Variants in PDE4B observed in about 807,000 individuals in gnomAD.
PDE4B encodes the protein 3',5'-cyclic-AMP phosphodiesterase 4B.
PDE4B carries 20 observed loss-of-function variants against 82.2 expected under a neutral mutation model. That is an observed-to-expected ratio of 0.24 (90% CI 0.17 to 0.35). The LOEUF is 0.35. PDE4B is among the 10% of genes least tolerant of loss of function. The probability of loss-of-function intolerance (pLI) is 1.00; values close to 1 mark genes in which losing one functional copy is unlikely to be tolerated. For missense variants in PDE4B, 655 were observed against 907.2 expected, an observed-to-expected ratio of 0.72 and a Z score of 3.57; for synonymous variants, 320 against 318.9, an observed-to-expected ratio of 1.00 and a Z score of -0.04.
At chr1:66,360,251 A>G (rs968007448) in intron 9 of PDE4B, among the ~76,000 whole-genome samples, 1 of 152,072 alleles carries the variant, frequency 6.6e-6, no homozygotes, top group African/African-American at 2.4e-5. Flanking sequence ...GTGGACACCT[A>G]GAGACAATAC....
chr1:65,834,301 C>T (rs368986253), intron 1 of PDE4B, among the ~76,000 whole-genome samples: 25 of 152,280 alleles, frequency 1.6e-4, no homozygotes, highest in African/African-American at 5.5e-4. Context: ...GCCTTGGCCT[C>T]CCAAAGTGCT....
At position 66,193,941 on chromosome 1, in the gene PDE4B, A is replaced by T. The variant is rs1425776861; in HGVS notation, c.282-53519A>T. On this transcript the variant is annotated intron_variant, in intron 3 of 16. Transcript: ENST00000341517. ...TGTCACATTTGAACCATAACAAGAG[A>T]TTTGAAATCTTTTTTTTTTTTTTTG... Among the ~76,000 whole-genome samples the T allele has an allele frequency of 2.2e-5, 3 of 133,416 alleles. No homozygotes were observed. The East Asian group carries it at 6.9e-4, about 30-fold the overall frequency. 87.5% of individuals were successfully genotyped at this position (133,416 alleles called of 152,430 possible).
chr1:66,216,480 T>A (rs1273515996), intron 3 of PDE4B, among the ~76,000 whole-genome samples: 1 of 152,180 alleles, frequency 6.6e-6, no homozygotes, highest in Non-Finnish European at 1.5e-5. Context: ...CAGTTGTGAA[T>A]GTTCAACTAC....
At chr1:66,283,950 G>T (rs1437313616) in intron 7 of PDE4B, among the ~76,000 whole-genome samples, 2 of 152,120 alleles carry the variant, frequency 1.3e-5, no homozygotes, top group Non-Finnish European at 2.9e-5. Context: ...CACCCTAAAA[G>T]CACCTGGCGA....
intron 7 of PDE4B, among the ~76,000 whole-genome samples, chr1:66,279,688 G>T (rs533914542): frequency 6.6e-6 from 1 of 152,122 alleles, no homozygotes; most frequent in Non-Finnish European, 1.5e-5. Context: ...ATCAGCAGTA[G>T]GACAATATTC....
chr1:66,121,715 G>C (rs1234868611), intron 3 of PDE4B, among the ~76,000 whole-genome samples: 1 of 152,148 alleles, frequency 6.6e-6, no homozygotes, highest in Non-Finnish European at 1.5e-5. Flanking sequence ...TTGGCAGTAT[G>C]TTCTAAAATA....
chr1:65,938,489 T>C (rs1309248289), intron 3 of PDE4B, among the ~76,000 whole-genome samples: 2 of 152,202 alleles, frequency 1.3e-5, no homozygotes, highest in African/African-American at 4.8e-5. Flanking sequence ...TTCAAATGTG[T>C]GGTTATTTCA....
chr1:66,013,484 T>C (rs1162794799), intron 3 of PDE4B, among the ~76,000 whole-genome samples: 1 of 152,154 alleles, frequency 6.6e-6, no homozygotes, highest in African/African-American at 2.4e-5. Flanking sequence ...TAAATTTAAG[T>C]GTGGTGAAAC....
intron 1 of PDE4B, among the ~76,000 whole-genome samples, chr1:65,880,836 A>G (rs11589980): frequency 0.072 from 10,824 of 149,514 alleles, 547 homozygotes; most frequent in Non-Finnish European, 0.11. Flanking sequence ...GCCTATGGGA[A>G]GCAGTAATAG....
At chr1:66,185,165 T>A (rs1647159271) in intron 3 of PDE4B, among the ~76,000 whole-genome samples, 1 of 152,252 alleles carries the variant, frequency 6.6e-6, no homozygotes, top group African/African-American at 2.4e-5. Flanking sequence ...ACAAAGGACA[T>A]GAACTCATCG....
chr1:65,961,907 C>CA (rs1178351294), intron 3 of PDE4B, among the ~76,000 whole-genome samples: 1 of 152,112 alleles, frequency 6.6e-6, no homozygotes, highest in African/African-American at 2.4e-5. Context: ...CAGTAAATAA[C>CA]AAACAGTTAA....
At chr1:66,216,453 A>G (rs1294446227) in intron 3 of PDE4B, among the ~76,000 whole-genome samples, 1 of 152,162 alleles carries the variant, frequency 6.6e-6, no homozygotes, top group Non-Finnish European at 1.5e-5. Context: ...TTTGTTATAA[A>G]GAGGTATTAG....
chr1:66,238,987 A>T (rs897818528), intron 3 of PDE4B, among the ~76,000 whole-genome samples: 2 of 152,218 alleles, frequency 1.3e-5, no homozygotes, highest in Non-Finnish European at 2.9e-5. Context: ...GAGAACTTAC[A>T]AAAGAAAGCA....
At chr1:66,262,780 C>T (rs1654776963) in intron 6 of PDE4B, among the ~76,000 whole-genome samples, 1 of 152,212 alleles carries the variant, frequency 6.6e-6, no homozygotes, top group Non-Finnish European at 1.5e-5. Context: ...CTTTCCAAAG[C>T]TTCCACACAG....
intron 3 of PDE4B, among the ~76,000 whole-genome samples, chr1:66,188,896 T>G (rs1207404246): frequency 1.3e-5 from 2 of 152,220 alleles, no homozygotes; most frequent in African/African-American, 4.8e-5. Context: ...GCTGGGTATT[T>G]TGCTCATTAG....
intron 3 of PDE4B, among the ~76,000 whole-genome samples, chr1:65,943,627 C>T (rs899201531): frequency 1.3e-5 from 2 of 151,906 alleles, no homozygotes; most frequent in Non-Finnish European, 2.9e-5. Flanking sequence ...TTCTTCAAAG[C>T]CATGAACATA....
chr1:66,158,926 C>A (rs948847619), intron 3 of PDE4B, among the ~76,000 whole-genome samples: 23 of 152,068 alleles, frequency 1.5e-4, no homozygotes, highest in African/African-American at 5.3e-4. Flanking sequence ...ATAGTGGTTA[C>A]CAGATGCTGA....
At chr1:66,224,431 T>C (rs1207051322) in intron 3 of PDE4B, among the ~76,000 whole-genome samples, 1 of 151,984 alleles carries the variant, frequency 6.6e-6, no homozygotes, top group Non-Finnish European at 1.5e-5. Context: ...AGAAAAATAG[T>C]CAAGCAGCCG....
Position 66,090,755 on chromosome 1 carries a change from G to A in PDE4B, c.282-156705G>A, listed in dbSNP as rs536281580. ...TATGTATATATACATATATATGTAT[G>A]TATACATATGTGTATGTATGTATAT... On this transcript the variant is annotated intron_variant, in intron 3 of 16. Transcript: ENST00000341517. 1.0e-3 allele frequency among the ~76,000 whole-genome samples: 149 copies of A among 145,506 alleles called. 2 individuals are homozygous for A. The South Asian group carries it at 0.012, about 12-fold the overall frequency.
Sources: gnomAD v4.1 joint callset for allele counts (sites outside exome capture counted in the v4.1 genomes callset) on GRCh38, gnomAD v4.1.1 for gene constraint, MANE v1.5 for transcripts, NCBI Gene and HGNC (gene_info 2026-07-23, HGNC 2026-07-21) for gene names.